The following IL5 variants were observed in gnomAD, a reference collection of about 807,000 sequenced individuals.
The protein encoded by IL5 is interleukin 5.
Under a neutral mutation model 16.3 loss-of-function variants are expected in IL5, and 12 were observed. The ratio of observed to expected loss-of-function variants is 0.74; its 90% CI spans 0.47 to 1.20. The LOEUF (loss-of-function observed/expected upper bound fraction) is 1.20. Ranked by LOEUF, IL5 falls within the 50% of genes most tolerant of loss-of-function variation. IL5 has a pLI of 0.00. For missense variants in IL5, 159 were observed against 153.9 expected (o/e 1.03, Z -0.17); for synonymous variants, 54 against 56.6 (o/e 0.95, Z 0.21).
intron 1 of IL5, among the ~76,000 whole-genome samples, chr5:132,555,567 G>A (rs947961571): frequency 2.6e-5 from 4 of 152,226 alleles, no homozygotes; most frequent in African/African-American, 9.6e-5. Context: ...CCAGGCTGGA[G>A]TGCAGTGGTG....
intron 1 of IL5, among the ~76,000 whole-genome samples, chr5:132,553,289 T>G (rs1749913308): frequency 6.6e-6 from 1 of 152,230 alleles, no homozygotes; most frequent in South Asian, 2.1e-4. Context: ...GCTTAATCCT[T>G]GTAATTCCTG....
chr5:132,551,482 C>T (rs922663429), intron 1 of IL5, among the ~76,000 whole-genome samples: 1 of 152,126 alleles, frequency 6.6e-6, no homozygotes, highest in African/African-American at 2.4e-5. Context: ...TTTCCTCTCA[C>T]ATCCCAAATA....
Position 132,542,724 on chromosome 5 carries a change from G to T in IL5, c.177+370C>A, listed in dbSNP as rs554851106. Reference sequence around the variant, plus strand: ...ATATATTTTAATGTCTACTGATCATGGTTCTAAAAATATAATTCTGAGTTG... The same window carrying T: ...ATATATTTTAATGTCTACTGATCATTGTTCTAAAAATATAATTCTGAGTTG... On this transcript the variant is annotated intron_variant, in intron 2 of 3. Transcript: ENST00000231454. Among the ~76,000 whole-genome samples the T allele has an allele frequency of 2.6e-5, 4 of 152,160 alleles. No individual in the cohort carries two copies. The South Asian group carries it at 8.3e-4, about 32-fold the overall frequency.
intron 3 of IL5, 29 bp from the exon 4 acceptor site, chr5:132,541,938 A>C (rs1349989275): frequency 3.1e-6 from 5 of 1,611,280 alleles, no homozygotes; most frequent in African/African-American, 1.3e-5. Flanking sequence ...GACAATAGGT[A>C]TTACAGGAAA....
At chr5:132,554,723 C>T (rs763774691) in intron 1 of IL5, among the ~76,000 whole-genome samples, 21 of 152,040 alleles carry the variant, frequency 1.4e-4, no homozygotes, top group Admixed American at 1.3e-4. Context: ...AAGCAGGGTC[C>T]AGAAGTGACA....
At chr5:132,545,357 A>G (rs1436857713), upstream of IL5, among the ~76,000 whole-genome samples, 1 of 152,190 alleles carries the variant, frequency 6.6e-6, no homozygotes, top group Non-Finnish European at 1.5e-5. Flanking sequence ...GAGTGCTTAA[A>G]TTCTATCATA....
intron 1 of IL5, among the ~76,000 whole-genome samples, chr5:132,552,677 A>G (rs535565586): frequency 6.6e-6 from 1 of 152,300 alleles, no homozygotes; most frequent in African/African-American, 2.4e-5. Flanking sequence ...ATGCATCTCA[A>G]AAAAGATCAT....
At chr5:132,542,203 A>C (rs1749708713) in intron 2 of IL5, 60 bp from the exon 3 acceptor site, 1 of 1,347,278 alleles carries the variant, frequency 7.4e-7, no homozygotes, top group African/African-American at 1.5e-5. Context: ...AATTTGGTCC[A>C]TTGTCCATTC....
At chr5:132,543,715 T>C (rs1749740494), upstream of IL5, 1 of 350,972 alleles carries the variant, frequency 2.8e-6, no homozygotes, top group African/African-American at 2.1e-5. Flanking sequence ...TTAAAAACAT[T>C]TTCTATTACG....
intron 1 of IL5, chr5:132,556,504 C>T (rs1386438242): frequency 4.6e-6 from 1 of 217,266 alleles, no homozygotes; most frequent in Non-Finnish European, 8.8e-6. Flanking sequence ...AACATTTACT[C>T]AATTAGAAAT....
At chr5:132,554,157 G>C (rs994518401) in intron 1 of IL5, among the ~76,000 whole-genome samples, 3 of 151,822 alleles carry the variant, frequency 2.0e-5, no homozygotes, top group African/African-American at 7.3e-5. Context: ...CACAAGGTTA[G>C]GAGTTCGAGA....
intron 1 of IL5, among the ~76,000 whole-genome samples, chr5:132,553,595 C>G (rs1056973040): frequency 3.3e-5 from 5 of 151,214 alleles, no homozygotes; most frequent in Non-Finnish European, 5.9e-5. Flanking sequence ...TGTAGATTTG[C>G]TTTTTTCTTC....
chr5:132,546,610 G>A (rs150924571), upstream of IL5, among the ~76,000 whole-genome samples: 426 of 152,236 alleles, frequency 2.8e-3, 1 homozygote, highest in Middle Eastern at 0.01. Context: ...CTATGAACAT[G>A]GGTGTACAAA....
At chr5:132,542,173 T>A (rs761901365) in intron 2 of IL5, 30 bp from the exon 3 acceptor site, 6 of 1,591,884 alleles carry the variant, frequency 3.8e-6, no homozygotes, top group Non-Finnish European at 5.1e-6. Flanking sequence ...AAAATGCAAA[T>A]AATCAAGACA....
chr5:132,550,246 A>T (rs1749862282), intron 1 of IL5, among the ~76,000 whole-genome samples: 1 of 152,132 alleles, frequency 6.6e-6, no homozygotes, highest in South Asian at 2.1e-4. Flanking sequence ...ATGCTAATGA[A>T]CTTGTATAAT....
chr5:132,553,494 A>G (rs1017507785), intron 1 of IL5, among the ~76,000 whole-genome samples: 2 of 152,236 alleles, frequency 1.3e-5, no homozygotes, highest in African/African-American at 2.4e-5. Flanking sequence ...AAGTAGAGGT[A>G]ATTACATTTC....
chr5:132,551,963 T>C (rs1174832713), intron 1 of IL5, among the ~76,000 whole-genome samples: 1 of 152,128 alleles, frequency 6.6e-6, no homozygotes, highest in Non-Finnish European at 1.5e-5. Flanking sequence ...GGGAGAATTA[T>C]GTTAGAAAGT....
At chr5:132,545,119 C>T (rs985549522), upstream of IL5, among the ~76,000 whole-genome samples, 48 of 152,048 alleles carry the variant, frequency 3.2e-4, no homozygotes, top group Non-Finnish European at 4.6e-4. Flanking sequence ...GTGAGATTTT[C>T]GGGAGTAGGA....
chr5:132,553,909 A>G (rs1043316146), intron 1 of IL5, among the ~76,000 whole-genome samples: 3 of 137,170 alleles, frequency 2.2e-5, no homozygotes, highest in African/African-American at 8.2e-5. Flanking sequence ...ACTGCACTCC[A>G]ACCTGGGCAA....
Sources: allele counts gnomAD v4.1 joint callset (sites outside exome capture counted in the v4.1 genomes callset), GRCh38; gene constraint gnomAD v4.1.1; transcripts MANE v1.5; gene names NCBI Gene and HGNC (gene_info 2026-07-23, HGNC 2026-07-21).